The following FRAS1 variants were observed in gnomAD, a reference collection of about 807,000 sequenced individuals.
FRAS1 encodes the protein extracellular matrix organizing protein FRAS1.
FRAS1 carries 290 observed loss-of-function variants against 435.2 expected under a neutral mutation model. The observed-to-expected ratio is 0.67, with a 90% CI of 0.61 to 0.73. FRAS1 has a LOEUF of 0.73. Ranked by LOEUF, FRAS1 falls within the 30% of genes least tolerant of loss-of-function variation. The pLI is 0.00. For missense variants in FRAS1, 4,860 were observed against 5,001.5 expected (o/e 0.97, Z 0.85); for synonymous variants, 1,800 against 1,851.0 (o/e 0.97, Z 0.71).
chr4:78,464,499 A>G lies in FRAS1; in HGVS notation c.6945A>G (p.Val2315=). ...LHPVDDSLPV[V]QNLGMRVQEG... is the part of the protein sequence containing the mutation. ...CTGTCGATGATTCGCTGCCCGTCGT[A>G]CAGAACTTAGGAATGCGGGTGCAGG... Residue 2315 remains valine (V), a synonymous_variant, in exon 49 of 74, where the codon GTA becomes GTG. Coordinates refer to ENST00000512123, the MANE Select transcript of FRAS1 (RefSeq NM_025074.7). 1 of 1,613,978 alleles carries G rather than the reference A, an allele frequency of 6.2e-7. No homozygotes were observed. The highest frequency in any genetic ancestry group is 8.5e-7 in the Non-Finnish European group (1 of 1,179,862).
chr4:78,207,869 A>G (rs1316884084), intron 2 of FRAS1, among the ~76,000 whole-genome samples: 1 of 152,162 alleles, frequency 6.6e-6, no homozygotes, highest in Non-Finnish European at 1.5e-5. Context: ...GACTTCATGG[A>G]TACATTTTTG....
At chr4:78,269,004 T>A (rs1236385453) in intron 9 of FRAS1, among the ~76,000 whole-genome samples, 1 of 152,234 alleles carries the variant, frequency 6.6e-6, no homozygotes, top group African/African-American at 2.4e-5. Context: ...ATTACTTCCA[T>A]GTTTCCCAAG....
intron 2 of FRAS1, among the ~76,000 whole-genome samples, chr4:78,088,202 T>A (rs1741304312): frequency 1.3e-5 from 2 of 152,222 alleles, no homozygotes; most frequent in Admixed American, 6.5e-5. Context: ...TAGTAAATGA[T>A]GCTGGGAAAA....
chr4:78,536,096 A>T (rs1310240652), intron 71 of FRAS1, among the ~76,000 whole-genome samples: 1 of 151,768 alleles, frequency 6.6e-6, no homozygotes, highest in Non-Finnish European at 1.5e-5. Context: ...TAAGTAAGTT[A>T]GTTGCATGTA....
chr4:78,364,679 G>A (rs1731196198), intron 22 of FRAS1, among the ~76,000 whole-genome samples: 1 of 151,906 alleles, frequency 6.6e-6, no homozygotes, highest in Non-Finnish European at 1.5e-5. Flanking sequence ...AAATTTGCCT[G>A]AAAAAAAATT....
At chr4:78,472,043 T>A in intron 51 of FRAS1, 137 bp from the exon 52 acceptor site, 1 of 884,326 alleles carries the variant, frequency 1.1e-6, no homozygotes, top group Non-Finnish European at 1.8e-6. Context: ...TCATAGCCTC[T>A]CCAATCCTGA....
chr4:78,481,842 C>G lies in FRAS1; in HGVS notation c.8482C>G (p.Leu2828Val). Residue 2828 changes from leucine (L) to valine (V), a missense_variant, in exon 57 of 74, where the codon CTC (leucine) becomes GTC (valine). Coordinates refer to ENST00000512123, the MANE Select transcript of FRAS1 (RefSeq NM_025074.7). Reference protein sequence around the residue: ...KIPVIRHGTDLSTFASVWCAT... With the variant: ...KIPVIRHGTDVSTFASVWCAT... Reference sequence around the variant, plus strand: ...TCCAGTTATCCGCCATGGTACTGACCTCTCTACTTTCGCATCTGTCTGGTG... The same window carrying G: ...TCCAGTTATCCGCCATGGTACTGACGTCTCTACTTTCGCATCTGTCTGGTG... 1.2e-6 allele frequency: 2 copies of G among 1,613,876 alleles called. No homozygotes were observed. The highest frequency in any genetic ancestry group is 2.2e-5 in the East Asian group (1 of 44,878).
In FRAS1 at chr4:78,066,218, A is replaced by G. The variant is rs529657598; in HGVS notation, c.108+202A>G. ...GTGAATTAGTTCTATTCAGATACTC[A>G]GGTATTGGAAGAGAAATTCAAACAC... On this transcript the variant is annotated intron_variant, in intron 2 of 73. Transcript: ENST00000512123. 1.8e-3 allele frequency among the ~76,000 whole-genome samples: 281 copies of G among 152,310 alleles called. 1 individual carries two copies. Among genetic ancestry groups the G allele is most frequent in the African/African-American group, 6.5e-3 (272 of 41,574 alleles).
At chr4:78,455,138 A>G (rs1236716970) in intron 47 of FRAS1, among the ~76,000 whole-genome samples, 1 of 152,124 alleles carries the variant, frequency 6.6e-6, no homozygotes, top group Non-Finnish European at 1.5e-5. Context: ...CCCCGTGGCT[A>G]ATAAAACGGA....
intron 2 of FRAS1, among the ~76,000 whole-genome samples, chr4:78,125,652 T>C (rs1644430035): frequency 6.6e-6 from 1 of 152,192 alleles, no homozygotes. Context: ...GCAGGTCTGT[T>C]GGAGTTTGCT....
Position 78,448,493 on chromosome 4 carries a change from G to A in FRAS1, c.6274+177G>A, listed in dbSNP as rs60005457. On this transcript the variant is annotated intron_variant, in intron 44 of 73. Coordinates refer to ENST00000512123, the MANE Select transcript of FRAS1 (RefSeq NM_025074.7). ...GTTTTTGGGATACTAAGAATTGTTAGTGACAAATGTGAACCTCTAAAATTC... is the reference window on the plus strand; with the variant it reads ...GTTTTTGGGATACTAAGAATTGTTAATGACAAATGTGAACCTCTAAAATTC... Among the ~76,000 whole-genome samples, 1,128 of 152,280 alleles carry A rather than the reference G, an allele frequency of 7.4e-3. 14 individuals are homozygous for A. Among genetic ancestry groups the A allele is most frequent in the African/African-American group, 0.026 (1,060 of 41,530 alleles).
chr4:78,499,502 G>A lies in FRAS1; in HGVS notation c.9116-219G>A, dbSNP rs576027008. Among the ~76,000 whole-genome samples the A allele has an allele frequency of 9.2e-5, 14 of 152,294 alleles. No individual in the cohort carries two copies. In the East Asian group the frequency reaches 2.7e-3, roughly 29 times the overall value. On this transcript the variant is annotated intron_variant, in intron 60 of 73. Transcript: ENST00000512123. ...TTATATTGTTTTTAATAAGGAACAT[G>A]TGAGACACAACTCCTGCAGAATCAC...
chr4:78,339,483 A>G lies in FRAS1; in HGVS notation c.2422+1666A>G, dbSNP rs535378594. The stretch of plus-strand genomic sequence containing the variant: ...CCAGTAATAAGGGCTGTAGGAGTTC[A>G]AGGTAGGGAGAAGTAACAAGATATG... On this transcript the variant is annotated intron_variant, in intron 20 of 73. Coordinates refer to ENST00000512123, the MANE Select transcript of FRAS1 (RefSeq NM_025074.7). Among the ~76,000 whole-genome samples, 39 of 152,316 alleles carry G rather than the reference A, an allele frequency of 2.6e-4. 1 individual carries two copies. Among genetic ancestry groups the G allele is most frequent in the Admixed American group, 1.3e-3 (20 of 15,304 alleles).
chr4:78,503,175 T>C (rs1386008512), intron 61 of FRAS1, among the ~76,000 whole-genome samples: 1 of 152,222 alleles, frequency 6.6e-6, no homozygotes, highest in Non-Finnish European at 1.5e-5. Flanking sequence ...TCTAAAAATC[T>C]CTTTTCTTGT....
Position 78,363,954 on chromosome 4 carries a change from C to T in FRAS1, c.2622C>T (p.Ser874=), listed in dbSNP as rs1366244086. ...CCTGCCAGGGCAGAGGACCTTTCTC[C>T]TGCTCCTCATGTGACACCAACCTCG... is the stretch of plus-strand genomic sequence containing the variant. The part of the protein sequence containing the change: ...CRTCQGRGPF[S]CSSCDTNLVL... Residue 874 remains serine, a synonymous_variant, in exon 22 of 74, where the codon TCC becomes TCT. Transcript: ENST00000512123. 1 of 1,613,534 alleles carries T rather than the reference C, an allele frequency of 6.2e-7. No homozygotes were observed. Among genetic ancestry groups the T allele is most frequent in the Admixed American group, 1.7e-5 (1 of 59,994 alleles).
At chr4:78,523,366 A>T (rs1293687495) in intron 69 of FRAS1, among the ~76,000 whole-genome samples, 2 of 152,172 alleles carry the variant, frequency 1.3e-5, no homozygotes, top group East Asian at 3.9e-4. Flanking sequence ...TGCAAAATAT[A>T]GTACCTCTGA....
chr4:78,117,393 G>A (rs940108334), intron 2 of FRAS1, among the ~76,000 whole-genome samples: 4 of 152,114 alleles, frequency 2.6e-5, no homozygotes, highest in South Asian at 2.1e-4. Context: ...TGCTAGATTG[G>A]GTAAGTTCTC....
chr4:78,320,184 G>A (rs961245876), intron 18 of FRAS1, among the ~76,000 whole-genome samples: 1 of 152,194 alleles, frequency 6.6e-6, no homozygotes, highest in Non-Finnish European at 1.5e-5. Context: ...CCACTCTCCA[G>A]ACATCCTGGT....
chr4:78,102,034 G>A (rs9307339), intron 2 of FRAS1, among the ~76,000 whole-genome samples: 33,059 of 152,122 alleles, frequency 0.22, 3,955 homozygotes, highest in Admixed American at 0.29. Flanking sequence ...ACAATTACAG[G>A]TTTATATCAA....
Sources: allele counts gnomAD v4.1 joint callset (sites outside exome capture counted in the v4.1 genomes callset), GRCh38; gene constraint gnomAD v4.1.1; transcripts MANE v1.5; gene names NCBI Gene and HGNC (gene_info 2026-07-23, HGNC 2026-07-21).